The following BORCS5 variants were observed in gnomAD, a reference collection of about 807,000 sequenced individuals.
BORCS5 encodes the protein BLOC-1 related complex subunit 5, also known as BLOC-1-related complex subunit 5.
A neutral mutation model predicts 22.1 loss-of-function variants in BORCS5; 17 were observed. The ratio of observed to expected loss-of-function variants is 0.77; its 90% confidence interval spans 0.53 to 1.15. The LOEUF (loss-of-function observed/expected upper bound fraction) is 1.15, where lower values mean the gene tolerates loss of function less well. Ranked by LOEUF, BORCS5 falls within the 50% of genes most tolerant of loss-of-function variation. The pLI is 0.00. For missense variants in BORCS5, 247 were observed against 253.2 expected (o/e 0.98, Z 0.17); for synonymous variants, 117 against 99.8 (o/e 1.17, Z -1.03).
intron 3 of BORCS5, among the ~76,000 whole-genome samples, chr12:12,462,856 C>T (rs191621377): frequency 7.9e-4 from 120 of 152,058 alleles, no homozygotes; most frequent in African/African-American, 2.7e-3. Flanking sequence ...GGAGTTTCGC[C>T]GTGTTGCCCA....
chr12:12,402,786 C>T (rs16908006), intron 2 of BORCS5, among the ~76,000 whole-genome samples: 142 of 152,184 alleles, frequency 9.3e-4, no homozygotes, highest in South Asian at 2.9e-3. Flanking sequence ...AACTTTATTT[C>T]TCTATTAGCT....
intron 2 of BORCS5, among the ~76,000 whole-genome samples, chr12:12,390,442 A>G (rs1941144083): frequency 6.6e-6 from 1 of 152,070 alleles, no homozygotes; most frequent in South Asian, 2.1e-4. Flanking sequence ...CTTTAATTTT[A>G]AAAGCATGTG....
intron 3 of BORCS5, among the ~76,000 whole-genome samples, chr12:12,449,064 T>TAAAA (rs1180910423): frequency 6.6e-6 from 1 of 152,242 alleles, no homozygotes; most frequent in Non-Finnish European, 1.5e-5. Flanking sequence ...AACTTCTTTA[T>TAAAA]ACTTCCAACC....
intron 2 of BORCS5, among the ~76,000 whole-genome samples, chr12:12,380,512 C>A (rs1043176576): frequency 2.0e-5 from 3 of 151,502 alleles, no homozygotes; most frequent in Non-Finnish European, 4.4e-5. Flanking sequence ...TAAATGGAAT[C>A]ATACAATACA....
At chr12:12,376,235 CT>C (rs538292018) in intron 2 of BORCS5, among the ~76,000 whole-genome samples, 574 of 136,126 alleles carry the variant, frequency 4.2e-3, no homozygotes, top group Middle Eastern at 0.019. Context: ...GCTCTTCAGT[CT>C]TTTTTTTTTT....
intron 3 of BORCS5, among the ~76,000 whole-genome samples, chr12:12,436,662 A>C (rs1423795498): frequency 6.6e-6 from 1 of 152,234 alleles, no homozygotes; most frequent in African/African-American, 2.4e-5. Context: ...TGGAGAAACA[A>C]GTGATGGAGC....
intron 2 of BORCS5, among the ~76,000 whole-genome samples, chr12:12,419,948 CTT>C (rs1432299964): frequency 6.6e-6 from 1 of 152,102 alleles, no homozygotes; most frequent in Non-Finnish European, 1.5e-5. Context: ...GACATTAGCT[CTT>C]TGTCTGATGG....
chr12:12,445,857 T>C (rs1357229571), intron 3 of BORCS5, among the ~76,000 whole-genome samples: 1 of 150,794 alleles, frequency 6.6e-6, no homozygotes, highest in African/African-American at 2.4e-5. Context: ...TTTCCCAGAC[T>C]GACCTTGAAC....
At chr12:12,367,457 A>G (rs1004051722) in intron 2 of BORCS5, among the ~76,000 whole-genome samples, 1 of 152,190 alleles carries the variant, frequency 6.6e-6, no homozygotes, top group Admixed American at 6.5e-5. Context: ...TCTCCCAAAT[A>G]CCATATTGGA....
chr12:12,418,201 GTTT>G (rs75687170), intron 2 of BORCS5, among the ~76,000 whole-genome samples: 1 of 136,250 alleles, frequency 7.3e-6, no homozygotes. Flanking sequence ...TTTTTTTTTT[GTTT>G]TTTTTTTTGT....
chr12:12,465,647 C>A lies in BORCS5; in HGVS notation c.462C>A (p.Ala154=), dbSNP rs1284944113. ...TCCAGAAAGTGAACGAGATGTCCGC[C>A]ATCCTCCGCCGCATACAGATGGGCA... ...EQIQKVNEMS[A]ILRRIQMGID... Residue 154 remains alanine (A), a synonymous_variant, in exon 4 of 4, where the codon GCC becomes GCA. Coordinates refer to ENST00000314565, the MANE Select transcript of BORCS5 (RefSeq NM_058169.6). 1.2e-6 allele frequency: 2 copies of A among 1,614,144 alleles called. No individual in the cohort carries two copies. Among genetic ancestry groups the A allele is most frequent in the East Asian group, 4.5e-5 (2 of 44,906 alleles).
intron 3 of BORCS5, chr12:12,452,444 G>T (rs2013675): frequency 0.035 from 18,304 of 522,152 alleles, 405 homozygotes; most frequent in African/African-American, 0.046. Flanking sequence ...GGAGAGCCGC[G>T]GTTTCCCATG....
chr12:12,470,374 G>A lies in BORCS5; in HGVS notation c.*4598G>A, dbSNP rs1286701737. The stretch of plus-strand genomic sequence containing the variant: ...TGAGCCACTGCACCTGGCCAGCTTC[G>A]TGTGTATTTATAGCTGCTCCCCATC... On this transcript the variant is annotated 3_prime_UTR_variant, in exon 4 of 4. Transcript: ENST00000314565. 2.6e-5 allele frequency among the ~76,000 whole-genome samples: 4 copies of A among 152,050 alleles called. No individual in the cohort carries two copies. The highest frequency in any genetic ancestry group is 6.6e-5 in the Admixed American group (1 of 15,246).
chr12:12,441,270 CTTGTATTTGCTCT>C (rs1440837239), intron 3 of BORCS5, among the ~76,000 whole-genome samples: 2 of 152,156 alleles, frequency 1.3e-5, no homozygotes, highest in African/African-American at 2.4e-5. Flanking sequence ...GGCAGGGCAA[CTTGTATTTGCTCT>C]TTGTATTTGC....
At chr12:12,435,149 T>C (rs972348888) in intron 2 of BORCS5, among the ~76,000 whole-genome samples, 5 of 152,214 alleles carry the variant, frequency 3.3e-5, no homozygotes, top group South Asian at 2.1e-4. Flanking sequence ...CCTAGCAGTT[T>C]CTGTATACAT....
chr12:12,401,367 C>T (rs139459535), intron 2 of BORCS5, among the ~76,000 whole-genome samples: 108 of 152,278 alleles, frequency 7.1e-4, no homozygotes, highest in Middle Eastern at 3.4e-3. Flanking sequence ...AAGACAACAT[C>T]GTGCTTAGCA....
In BORCS5 at chr12:12,388,438, C is replaced by T. The variant is rs962909877; in HGVS notation, c.202+27089C>T. Among the ~76,000 whole-genome samples, 8 of 150,922 alleles carry T rather than the reference C, an allele frequency of 5.3e-5. 1 individual carries two copies. Among genetic ancestry groups the T allele is most frequent in the Non-Finnish European group, 8.9e-5 (6 of 67,594 alleles). Reference sequence around the variant, plus strand: ...AAATCAACAAAAAGGAACTGCTGGCCGAGGATAGTTAATATTCAAAAGCAA... The same window carrying T: ...AAATCAACAAAAAGGAACTGCTGGCTGAGGATAGTTAATATTCAAAAGCAA... On this transcript the variant is annotated intron_variant, in intron 2 of 3. Coordinates refer to ENST00000314565, the MANE Select transcript of BORCS5 (RefSeq NM_058169.6).
intron 3 of BORCS5, among the ~76,000 whole-genome samples, chr12:12,461,882 G>A (rs1379928482): frequency 2.0e-5 from 3 of 152,180 alleles, no homozygotes; most frequent in African/African-American, 7.2e-5. Context: ...GGAGAATAAA[G>A]AGTTGTTCAC....
chr12:12,407,943 C>T (rs1377700330), intron 2 of BORCS5, among the ~76,000 whole-genome samples: 2 of 152,066 alleles, frequency 1.3e-5, no homozygotes, highest in African/African-American at 2.4e-5. Flanking sequence ...CTCCTAGGCT[C>T]AAGGGATCCT....
Sources: gnomAD v4.1 joint callset for allele counts (sites outside exome capture counted in the v4.1 genomes callset) on GRCh38, gnomAD v4.1.1 for gene constraint, MANE v1.5 for transcripts, NCBI Gene and HGNC (gene_info 2026-07-23, HGNC 2026-07-21) for gene names.